Variants in TENM2 observed in about 807,000 individuals in gnomAD.
TENM2 encodes teneurin transmembrane protein 2.
A neutral mutation model predicts 245.2 loss-of-function variants in TENM2; 52 were observed. The observed-to-expected ratio is 0.21, with a 90% CI of 0.17 to 0.27. The LOEUF is 0.27. TENM2 is among the 10% of genes least tolerant of loss of function. TENM2 has a pLI of 1.00. For missense variants in TENM2, 3,046 were observed against 3,666.8 expected, an observed-to-expected ratio of 0.83 and a Z score of 4.37; for synonymous variants, 1,363 against 1,438.9, an observed-to-expected ratio of 0.95 and a Z score of 1.19.
chr5:167,812,558 A>C (rs1055714184), intron 2 of TENM2, among the ~76,000 whole-genome samples: 1 of 152,186 alleles, frequency 6.6e-6, no homozygotes, highest in Admixed American at 6.5e-5. Flanking sequence ...CTTCTGTATC[A>C]AATCAAATGT....
At chr5:167,923,254 G>T (rs910895456) in intron 3 of TENM2, among the ~76,000 whole-genome samples, 11 of 152,060 alleles carry the variant, frequency 7.2e-5, no homozygotes, top group African/African-American at 2.7e-4. Flanking sequence ...GAGAGGTGGA[G>T]GTTGCAGTGA....
chr5:167,640,235 C>G (rs1341406323), intron 2 of TENM2, among the ~76,000 whole-genome samples: 1 of 152,198 alleles, frequency 6.6e-6, no homozygotes, highest in African/African-American at 2.4e-5. Flanking sequence ...CTTTGGTTAT[C>G]TCGTTTCTAA....
the TENM2 span, among the ~76,000 whole-genome samples, chr5:166,979,235 A>AGCAGCAGCAGCAGCAGCAGCC: frequency 1.5e-4 from 21 of 142,946 alleles, no homozygotes; most frequent in Middle Eastern, 3.8e-3. Context: ...CAGCAGCAGC[A>AGCAGCAGCAGCAGCAGCAGCC]GCCGCCGCGG....
chr5:167,026,103 T>G, the TENM2 span, among the ~76,000 whole-genome samples: 11 of 152,204 alleles, frequency 7.2e-5, no homozygotes, highest in Non-Finnish European at 1.3e-4. Context: ...GATACTTTAC[T>G]TTTGGCAGTG....
chr5:168,046,656 G>T (rs1341033341), intron 5 of TENM2, among the ~76,000 whole-genome samples: 2 of 152,138 alleles, frequency 1.3e-5, no homozygotes, highest in African/African-American at 2.4e-5. Context: ...GACGTGCTCA[G>T]TTCCTTAGCA....
chr5:167,175,343 TG>T, the TENM2 span, among the ~76,000 whole-genome samples: 148 of 152,368 alleles, frequency 9.7e-4, no homozygotes, highest in African/African-American at 3.5e-3. Flanking sequence ...TAGTTTCAGA[TG>T]GCCAGTGGTA....
At chr5:167,952,603 A>C (rs200193670) in exon 4 of TENM2, 1 of 1,611,082 alleles carries the variant, frequency 6.2e-7, no homozygotes. Flanking sequence ...CCGAACCACC[A>C]CAGCCAGTCG....
At chr5:167,066,638 T>C in the TENM2 span, among the ~76,000 whole-genome samples, 2 of 151,782 alleles carry the variant, frequency 1.3e-5, no homozygotes, top group South Asian at 4.2e-4. Context: ...TATATGTCCT[T>C]ATATATTTCA....
At chr5:167,104,253 G>A in the TENM2 span, among the ~76,000 whole-genome samples, 1 of 152,054 alleles carries the variant, frequency 6.6e-6, no homozygotes, top group African/African-American at 2.4e-5. Flanking sequence ...AATAATTGTG[G>A]ATGTGAAAAG....
rs1763253034 is a variant in TENM2 at position 167,769,398 on chromosome 5, AT to A, written c.503-106584del. Among the ~76,000 whole-genome samples, 3 of 152,158 alleles carry A rather than the reference AT, an allele frequency of 2.0e-5. No individual in the cohort carries two copies. The South Asian group carries it at 6.2e-4, about 31-fold the overall frequency. On this transcript the variant is annotated intron_variant, in intron 2 of 28. Coordinates refer to ENST00000518659, the Ensembl canonical transcript of TENM2. ...GGTCACCATGATAACATTTAACATC[AT>A]TTTGGACACTGGGGCCTTTTCATTG... is the stretch of plus-strand genomic sequence containing the variant.
At chr5:167,269,417 T>A in the TENM2 span, among the ~76,000 whole-genome samples, 1 of 152,270 alleles carries the variant, frequency 6.6e-6, no homozygotes, top group South Asian at 2.1e-4. Flanking sequence ...CAAAATGATC[T>A]TGTTATCATC....
intron 25 of TENM2, among the ~76,000 whole-genome samples, chr5:168,239,078 T>C (rs1178138543): frequency 6.6e-6 from 1 of 152,112 alleles, no homozygotes. Context: ...TAAGAGAACA[T>C]TGCAGCTAAA....
At chr5:167,525,139 C>G (rs551611057) in intron 2 of TENM2, among the ~76,000 whole-genome samples, 1 of 152,202 alleles carries the variant, frequency 6.6e-6, no homozygotes, top group Non-Finnish European at 1.5e-5. Context: ...ACACTGCCCT[C>G]TCTCCAAGCT....
intron 2 of TENM2, among the ~76,000 whole-genome samples, chr5:167,794,925 G>A (rs1437045185): frequency 6.6e-6 from 1 of 152,170 alleles, no homozygotes; most frequent in African/African-American, 2.4e-5. Flanking sequence ...TTAGGTAAGA[G>A]GTTAACATTG....
intron 2 of TENM2, among the ~76,000 whole-genome samples, chr5:167,405,053 A>ACTG (rs1442163203): frequency 1.3e-5 from 2 of 152,106 alleles, no homozygotes; most frequent in African/African-American, 4.8e-5. Flanking sequence ...GTATTTTCTG[A>ACTG]CTGGAGTCTT....
At chr5:168,009,912 A>G (rs1785098373) in intron 5 of TENM2, among the ~76,000 whole-genome samples, 1 of 152,152 alleles carries the variant, frequency 6.6e-6, no homozygotes, top group Non-Finnish European at 1.5e-5. Context: ...GGAATTCTAC[A>G]TCGGTAACCA....
the TENM2 span, among the ~76,000 whole-genome samples, chr5:167,258,450 A>G: frequency 6.6e-6 from 1 of 152,098 alleles, no homozygotes; most frequent in Non-Finnish European, 1.5e-5. Context: ...GCTGGCTCCC[A>G]CAGGAACCAT....
the TENM2 span, among the ~76,000 whole-genome samples, chr5:167,087,584 A>G: frequency 6.6e-6 from 1 of 152,182 alleles, no homozygotes; most frequent in African/African-American, 2.4e-5. Context: ...ATAGAATAGT[A>G]CCTTGCATAC....
intron 1 of TENM2, among the ~76,000 whole-genome samples, chr5:167,369,658 G>A (rs911987488): frequency 7.6e-6 from 1 of 132,222 alleles, no homozygotes; most frequent in East Asian, 2.2e-4. Context: ...GTGGTCATTC[G>A]TGACTTTTCA....
Sources: gnomAD v4.1 joint callset for allele counts (sites outside exome capture counted in the v4.1 genomes callset) on GRCh38, gnomAD v4.1.1 for gene constraint, MANE v1.5 for transcripts, NCBI Gene and HGNC (gene_info 2026-07-23, HGNC 2026-07-21) for gene names.